The following STEEP1 variants were observed in gnomAD, a reference collection of about 807,000 sequenced individuals.
STEEP1 encodes the protein STING1 ER exit protein 1.
Under a neutral mutation model 19.2 loss-of-function variants are expected in STEEP1, and 3 were observed. The ratio of observed to expected loss-of-function variants is 0.16; its 90% confidence interval spans 0.07 to 0.40. The LOEUF is 0.40. STEEP1 is among the 10% of genes least tolerant of loss of function. The pLI is 0.99. For missense variants in STEEP1, 54 were observed against 177.1 expected, an observed-to-expected ratio of 0.30 and a Z score of 3.94; for synonymous variants, 46 against 63.7, an observed-to-expected ratio of 0.72 and a Z score of 1.32.
At chrX:119,547,344 TTC>T (rs2053212968) in intron 2 of STEEP1, among the ~76,000 whole-genome samples, 1 of 111,956 alleles carries the variant, frequency 8.9e-6, no homozygotes, top group Admixed American at 9.6e-5. Context: ...GCTGCCAAAT[TTC>T]TCTCTATAGA....
chrX:119,542,255 A>G (rs759244786), intron 5 of STEEP1, among the ~76,000 whole-genome samples: 29 of 107,316 alleles, frequency 2.7e-4, no homozygotes, highest in South Asian at 8.5e-4. Context: ...TTTAGTAGAA[A>G]CGGGGTTTCA....
At chrX:119,547,103 C>A (rs2053211243) in intron 2 of STEEP1, among the ~76,000 whole-genome samples, 1 of 111,998 alleles carries the variant, frequency 8.9e-6, no homozygotes, top group South Asian at 3.6e-4. Context: ...CTGACTGGTA[C>A]ATAAAGAAAA....
At chrX:119,552,163 G>A (rs2053247277) in intron 2 of STEEP1, among the ~76,000 whole-genome samples, 1 of 111,414 alleles carries the variant, frequency 9.0e-6, no homozygotes, top group Non-Finnish European at 1.9e-5. Context: ...AAAGTGCTGG[G>A]ATTATAGGCA....
intron 2 of STEEP1, among the ~76,000 whole-genome samples, chrX:119,554,355 G>C (rs1174177960): frequency 9.0e-6 from 1 of 111,561 alleles, no homozygotes; most frequent in Non-Finnish European, 1.9e-5. Flanking sequence ...TGAGGCAGGA[G>C]AATCACTTGA....
intron 2 of STEEP1, among the ~76,000 whole-genome samples, chrX:119,552,306 A>G (rs913336139): frequency 2.7e-5 from 3 of 112,068 alleles, no homozygotes; most frequent in Non-Finnish European, 3.8e-5. Flanking sequence ...CCAAAGTGCT[A>G]GGATTACAGG....
At chrX:119,558,128 C>T (rs1302472810) in intron 2 of STEEP1, among the ~76,000 whole-genome samples, 1 of 110,944 alleles carries the variant, frequency 9.0e-6, no homozygotes, top group African/African-American at 3.3e-5. Context: ...AGCCTGGTCT[C>T]GAACTCCTGG....
rs61087266 is a variant in STEEP1, at chrX:119,557,155, C to CAAAA, written c.242+3109_242+3112dup. ...TGGGTGACAGAGCGAGACTCTATCTCAAAAAAAAAAAAAAAAAAGAAAAGA... is the reference window on the plus strand; with the variant it reads ...TGGGTGACAGAGCGAGACTCTATCTCAAAAAAAAAAAAAAAAAAAAAAGAAAAGA... On this transcript the variant is annotated intron_variant, in intron 2 of 6. Transcript: ENST00000644802. Among the ~76,000 whole-genome samples the CAAAA allele has an allele frequency of 5.0e-4, 24 of 47,760 alleles. 2 individuals carry two copies. Among genetic ancestry groups the CAAAA allele is most frequent in the African/African-American group, 1.4e-3 (19 of 13,730 alleles). The allele number at this position is 47,760 out of a possible 115,157, so 41.5% of individuals were successfully genotyped here. A position where few individuals can be genotyped will look rare whatever the true frequency, so the allele number is the denominator to read the frequency against.
intron 2 of STEEP1, among the ~76,000 whole-genome samples, chrX:119,556,380 G>C (rs773908348): frequency 9.1e-6 from 1 of 110,146 alleles, no homozygotes; most frequent in Non-Finnish European, 1.9e-5. Context: ...TCAGGAGATC[G>C]AGACCGTCCC....
Position 119,539,721 on chromosome X carries a change from G to T in STEEP1, c.*6C>A, listed in dbSNP as rs771234107. On this transcript the variant is annotated 3_prime_UTR_variant, in exon 7 of 7. Transcript: ENST00000644802. Reference sequence around the variant, plus strand: ...CCTCTAGTCTAGGGCTTAGAAAAAGGCCTGGTTATTTGAACTGGTTGTCAA... The same window carrying T: ...CCTCTAGTCTAGGGCTTAGAAAAAGTCCTGGTTATTTGAACTGGTTGTCAA... The T allele has an allele frequency of 4.2e-6, 5 of 1,199,144 alleles. No homozygotes were observed. Among genetic ancestry groups the T allele is most frequent in the Non-Finnish European group, 4.5e-6 (4 of 886,772 alleles).
intron 2 of STEEP1, among the ~76,000 whole-genome samples, chrX:119,551,073 A>G (rs767267831): frequency 8.9e-6 from 1 of 112,519 alleles, no homozygotes; most frequent in South Asian, 3.6e-4. Context: ...CAAAAAAGTG[A>G]GAAAACAATT....
At chrX:119,544,737 T>C (rs1253927175) in intron 3 of STEEP1, among the ~76,000 whole-genome samples, 4 of 111,345 alleles carry the variant, frequency 3.6e-5, no homozygotes, top group Admixed American at 1.9e-4. Flanking sequence ...GATCAGGAGT[T>C]CAAGACCAGC....
Position 119,542,492 on chromosome X carries a change from C to T in STEEP1, c.513+13G>A. On this transcript the variant is annotated intron_variant, in intron 5 of 6. Coordinates refer to ENST00000644802, the MANE Select transcript of STEEP1 (RefSeq NM_022101.4). ...CCCCAAATTCCAGTTTCCTTAAGAC[C>T]AGAGACACTTACAGCCTCAATCTCC... 1.7e-6 allele frequency: 2 copies of T among 1,171,324 alleles called. No homozygotes were observed. The highest frequency in any genetic ancestry group is 2.3e-6 in the Non-Finnish European group (2 of 859,292).
At chrX:119,559,313 G>A (rs2053305542) in intron 2 of STEEP1, among the ~76,000 whole-genome samples, 1 of 110,860 alleles carries the variant, frequency 9.0e-6, no homozygotes, top group South Asian at 3.8e-4. Context: ...TAGTATGCAT[G>A]ATGCCGTTCC....
rs1458283394 is a variant in STEEP1, at chrX:119,565,155, A to G, written c.124+77T>C. 3 of 1,134,420 alleles carry G rather than the reference A, an allele frequency of 2.6e-6. No homozygotes were observed. The East Asian group carries it at 9.4e-5, about 35-fold the overall frequency. The allele number at this position is 1,134,420 out of a possible 1,213,427, so 93.5% of individuals were successfully genotyped here. On this transcript the variant is annotated intron_variant, in intron 1 of 6. Transcript: ENST00000644802. ...TTCGTTGAGAAGTGGCTCCCAGATC[A>G]CAGCCAGAGGAAATTCGCCTTCAAG...
chrX:119,551,900 CTTTTTT>C (rs58576371), intron 2 of STEEP1, among the ~76,000 whole-genome samples: 1 of 91,484 alleles, frequency 1.1e-5, no homozygotes, highest in African/African-American at 4.0e-5. Context: ...GCTTCCAAAA[CTTTTTT>C]TTTTTTTTTT....
intron 5 of STEEP1, 35 bp from the exon 6 acceptor site, chrX:119,541,455 T>A: frequency 1.2e-6 from 1 of 837,347 alleles, no homozygotes; most frequent in East Asian, 3.1e-5. Flanking sequence ...AAACCGGAAG[T>A]CTCACCAAGG....
At chrX:119,559,845 T>C (rs1215735459) in intron 2 of STEEP1, among the ~76,000 whole-genome samples, 1 of 111,173 alleles carries the variant, frequency 9.0e-6, no homozygotes, top group Non-Finnish European at 1.9e-5. Flanking sequence ...GGCCAGGAGT[T>C]CAAGACCAGC....
intron 2 of STEEP1, among the ~76,000 whole-genome samples, chrX:119,549,687 T>C (rs767651362): frequency 8.9e-6 from 1 of 112,319 alleles, no homozygotes; most frequent in East Asian, 2.8e-4. Context: ...GCCTTCGTGC[T>C]GCATCATAAC....
chrX:119,541,410 G>C lies in STEEP1; in HGVS notation c.524C>G (p.Ala175Gly). 8.6e-7 allele frequency: 1 copy of C among 1,163,298 alleles called. No homozygotes were observed. Among genetic ancestry groups the C allele is most frequent in the Non-Finnish European group, 1.2e-6 (1 of 851,968 alleles). ...TTTGGCATTCTGTGCATATGAGTCA[G>C]CAACTTCCCTCTGAAGGAAAAAAGG... ...EEEEIEAREV[A>G]DSYAQNAKVI... Residue 175 changes from alanine to glycine, a missense_variant, in exon 6 of 7, where the codon GCT (alanine) becomes GGT (glycine). Physicochemically the swap from Ala to Gly is moderately conservative, Grantham distance 60. Transcript: ENST00000644802.
Sources: allele counts gnomAD v4.1 joint callset (sites outside exome capture counted in the v4.1 genomes callset), GRCh38; gene constraint gnomAD v4.1.1; transcripts MANE v1.5; gene names NCBI Gene and HGNC (gene_info 2026-07-23, HGNC 2026-07-21).